The following MGMT variants were observed in gnomAD, a reference collection of about 807,000 sequenced individuals.
The protein encoded by MGMT is O-6-methylguanine-DNA methyltransferase, also known as methylated-DNA--protein-cysteine methyltransferase.
In MGMT, 14 loss-of-function variants were observed where a neutral mutation model predicts 15.9. That is an observed-to-expected ratio of 0.88 (90% CI 0.58 to 1.37). The LOEUF (loss-of-function observed/expected upper bound fraction) is 1.37, where lower values mean the gene tolerates loss of function less well. Ranked by LOEUF, MGMT falls within the 40% of genes most tolerant of loss-of-function variation. The probability of loss-of-function intolerance (pLI) is 0.00; values close to 1 mark genes in which losing one functional copy is unlikely to be tolerated. For synonymous variants in MGMT, 130 were observed against 118.2 expected (o/e 1.10, Z -0.65); for missense variants, 282 against 268.1 (o/e 1.05, Z -0.36).
In MGMT at chr10:129,532,153, T is replaced by C. The variant is rs1368179423; in HGVS notation, c.-12-4088T>C. ...GGTCAGGGGAGCTGGTTCAGAGGGC[T>C]TGAGGCCAGCCTGCCCTTTGGATGA... On this transcript the variant is annotated intron_variant, in intron 1 of 4. Transcript: ENST00000651593. This position sits in a 1 kb window ranked among gnomAD's most constrained non-coding sequence, Gnocchi z 5.3. 1.3e-5 allele frequency among the ~76,000 whole-genome samples: 2 copies of C among 152,236 alleles called. No individual in the cohort carries two copies. The highest frequency in any genetic ancestry group is 4.8e-5 in the African/African-American group (2 of 41,474).
At chr10:129,467,338 T>C (rs1845179909) in intron 1 of MGMT, 42 bp downstream of exon 1, 1 of 1,512,828 alleles carries the variant, frequency 6.6e-7, no homozygotes, top group Non-Finnish European at 8.9e-7. Flanking sequence ...AGTGCGGAGC[T>C]CTCCCTCGGG....
At chr10:129,520,690 T>C (rs1262681592) in intron 1 of MGMT, among the ~76,000 whole-genome samples, 1 of 151,296 alleles carries the variant, frequency 6.6e-6, no homozygotes, top group Non-Finnish European at 1.5e-5. Context: ...ACGGTGCGGG[T>C]ACAGAACCCC....
intron 3 of MGMT, among the ~76,000 whole-genome samples, chr10:129,708,247 C>T (rs56406963): frequency 1.3e-5 from 2 of 152,196 alleles, no homozygotes; most frequent in East Asian, 3.9e-4. Context: ...CACAGGGTTG[C>T]ATAATTCTTG....
intron 3 of MGMT, among the ~76,000 whole-genome samples, chr10:129,744,652 A>G (rs909172568): frequency 3.3e-5 from 5 of 152,176 alleles, no homozygotes; most frequent in African/African-American, 1.2e-4. Flanking sequence ...CCTGCGTGCC[A>G]CGGAGAGCCA....
chr10:129,714,821 C>T (rs1848275357), intron 3 of MGMT, among the ~76,000 whole-genome samples: 1 of 152,132 alleles, frequency 6.6e-6, no homozygotes, highest in African/African-American at 2.4e-5. Context: ...AAGGGGTGCT[C>T]GGCTCCTGGT....
intron 2 of MGMT, among the ~76,000 whole-genome samples, chr10:129,621,673 T>C (rs560114726): frequency 1.3e-5 from 2 of 152,310 alleles, no homozygotes; most frequent in African/African-American, 4.8e-5. Flanking sequence ...GGGATCTCTT[T>C]GGAAGTATGA....
intron 2 of MGMT, among the ~76,000 whole-genome samples, chr10:129,660,836 AG>A (rs1191024531): frequency 6.6e-6 from 1 of 151,934 alleles, no homozygotes; most frequent in Non-Finnish European, 1.5e-5. Context: ...CGGAGTAGGG[AG>A]TATCTCTTTC....
At chr10:129,592,588 G>A (rs1227004718) in intron 2 of MGMT, among the ~76,000 whole-genome samples, 1 of 152,182 alleles carries the variant, frequency 6.6e-6, no homozygotes, top group African/African-American at 2.4e-5. Flanking sequence ...GGAAACTGTG[G>A]TTTGGGAGCT....
At chr10:129,560,793 T>A (rs1846267467) in intron 2 of MGMT, among the ~76,000 whole-genome samples, 1 of 152,216 alleles carries the variant, frequency 6.6e-6, no homozygotes, top group African/African-American at 2.4e-5. Context: ...AGCACAATAT[T>A]GTCGGGTGAA....
Position 129,728,835 on chromosome 10 carries a change from G to A in MGMT, c.274+20792G>A, listed in dbSNP as rs937293163. ...GCCCCCGCCTCCCATCGCCATCAGC[G>A]TCACCAGCATCACAAAGGTCAGCAC... On this transcript the variant is annotated intron_variant, in intron 3 of 4. Coordinates refer to ENST00000651593, the MANE Select transcript of MGMT (RefSeq NM_002412.5). Among the ~76,000 whole-genome samples the A allele has an allele frequency of 8.6e-5, 13 of 151,952 alleles. 1 individual carries two copies. The highest frequency in any genetic ancestry group is 6.6e-4 in the Admixed American group (10 of 15,252).
intron 2 of MGMT, among the ~76,000 whole-genome samples, chr10:129,658,144 A>G (rs549216704): frequency 2.0e-5 from 3 of 151,970 alleles, no homozygotes; most frequent in Middle Eastern, 3.2e-3. Context: ...TCCCCCTTCT[A>G]TGAATCCCAA....
chr10:129,547,673 A>G (rs1846112063), intron 2 of MGMT, among the ~76,000 whole-genome samples: 1 of 152,204 alleles, frequency 6.6e-6, no homozygotes, highest in Admixed American at 6.5e-5. Context: ...TTCTTCCAGA[A>G]AGCTATCCTC....
At chr10:129,696,698 C>T (rs1848036387) in intron 2 of MGMT, among the ~76,000 whole-genome samples, 1 of 152,220 alleles carries the variant, frequency 6.6e-6, no homozygotes, top group African/African-American at 2.4e-5. Flanking sequence ...GGATTGAGCA[C>T]TGGGAATGTG....
intron 2 of MGMT, among the ~76,000 whole-genome samples, chr10:129,547,341 A>G (rs150387454): frequency 6.6e-6 from 1 of 152,048 alleles, no homozygotes; most frequent in Non-Finnish European, 1.5e-5. Flanking sequence ...GTCCATACAC[A>G]TCGGCAGGAG....
At chr10:129,471,528 G>A (rs893238819) in intron 1 of MGMT, among the ~76,000 whole-genome samples, 24 of 152,162 alleles carry the variant, frequency 1.6e-4, no homozygotes, top group African/African-American at 5.6e-4. Flanking sequence ...CTACTGGAAT[G>A]CGATTCCAGC....
intron 4 of MGMT, among the ~76,000 whole-genome samples, chr10:129,765,238 G>T (rs1848920026): frequency 6.6e-6 from 1 of 152,116 alleles, no homozygotes; most frequent in Non-Finnish European, 1.5e-5. Context: ...GCTGTTGCCT[G>T]GGAGGCTCTC....
At chr10:129,742,753 CA>C (rs1848649704) in intron 3 of MGMT, among the ~76,000 whole-genome samples, 1 of 151,486 alleles carries the variant, frequency 6.6e-6, no homozygotes, top group Non-Finnish European at 1.5e-5. Flanking sequence ...TGCTCAGAGC[CA>C]GGTCATCAGG....
chr10:129,626,339 C>T (rs939461848), intron 2 of MGMT, among the ~76,000 whole-genome samples: 1 of 152,174 alleles, frequency 6.6e-6, no homozygotes, highest in Non-Finnish European at 1.5e-5. Flanking sequence ...ATTCGTGTCT[C>T]GTAAGCACTG....
chr10:129,679,556 A>G (rs1260674209), intron 2 of MGMT, among the ~76,000 whole-genome samples: 1 of 152,210 alleles, frequency 6.6e-6, no homozygotes, highest in Non-Finnish European at 1.5e-5. Context: ...ATTTATTAAA[A>G]GTTTCTGTCT....
Sources: gnomAD v4.1 joint callset for allele counts (sites outside exome capture counted in the v4.1 genomes callset) on GRCh38, gnomAD v4.1.1 for gene constraint, Gnocchi (gnomAD v3.1) non-coding constraint, MANE v1.5 for transcripts, NCBI Gene and HGNC (gene_info 2026-07-23, HGNC 2026-07-21) for gene names.